GSN: variants seen among roughly 807,000 people sequenced by gnomAD.
The protein encoded by GSN is gelsolin.
In GSN, 56 loss-of-function variants were observed where a neutral mutation model predicts 85.7. The ratio of observed to expected loss-of-function variants is 0.65; its 90% CI spans 0.53 to 0.82. The LOEUF is 0.82. Among genes scored for constraint, GSN ranks in the 40% least tolerant of loss-of-function variants. The probability of loss-of-function intolerance (pLI) is 0.00; values close to 1 mark genes in which losing one functional copy is unlikely to be tolerated. For synonymous variants in GSN, 373 were observed against 399.1 expected (o/e 0.93, Z 0.78); for missense variants, 857 against 979.8 (o/e 0.87, Z 1.67).
chr9:121,250,300 G>A (rs146479522), intron 6 of GSN, among the ~76,000 whole-genome samples: 5,598 of 151,254 alleles, frequency 0.037, 296 homozygotes, highest in Admixed American at 0.14. Flanking sequence ...CGCCTCCTGG[G>A]TTCAAGTGAA....
At chr9:121,207,923 ATG>A (rs59140426) in intron 1 of GSN, 17,202 of 139,338 alleles carry the variant, frequency 0.12, 1,038 homozygotes, top group Non-Finnish European at 0.15. Flanking sequence ...TCTGGCTAAT[ATG>A]TGTGTGTGTG....
intron 1 of GSN, among the ~76,000 whole-genome samples, chr9:121,271,449 G>A (rs2055941202): frequency 6.6e-6 from 1 of 152,168 alleles, no homozygotes; most frequent in Non-Finnish European, 1.5e-5. Flanking sequence ...TTCCTCTGAG[G>A]TAGATACTAG....
intron 6 of GSN, among the ~76,000 whole-genome samples, chr9:121,259,547 A>G (rs2055036738): frequency 6.6e-6 from 1 of 152,170 alleles, no homozygotes; most frequent in Non-Finnish European, 1.5e-5. Context: ...ACAAAGCATG[A>G]CCTGACAGGA....
intron 7 of GSN, among the ~76,000 whole-genome samples, chr9:121,316,410 A>G (rs2061705102): frequency 6.6e-6 from 1 of 152,208 alleles, no homozygotes; most frequent in Non-Finnish European, 1.5e-5. Flanking sequence ...TCTAGGTTCC[A>G]ATCCAGGATA....
Position 121,318,474 on chromosome 9 carries a change from G to C in GSN, c.955G>C (p.Asp319His). The C allele has an allele frequency of 6.2e-7, 1 of 1,613,830 alleles. No individual in the cohort carries two copies. Among genetic ancestry groups the C allele is most frequent in the Non-Finnish European group, 8.5e-7 (1 of 1,179,694 alleles). Residue 319 changes from aspartate (D) to histidine (H), a missense_variant, in exon 9 of 18, where the codon GAC becomes CAC. Transcript: ENST00000432226. This position sits in a 1 kb window ranked among gnomAD's most constrained non-coding sequence, Gnocchi z 4.3. Reference protein sequence around the residue: ...KTASDFITKMDYPKQTQVSVL... With the variant: ...KTASDFITKMHYPKQTQVSVL... Reference sequence around the variant, plus strand: ...AGCCTCTGACTTCATCACCAAGATGGACTACCCCAAGCAGACTCAGGTGAG... The same window carrying C: ...AGCCTCTGACTTCATCACCAAGATGCACTACCCCAAGCAGACTCAGGTGAG...
intron 2 of GSN, among the ~76,000 whole-genome samples, chr9:121,292,920 A>G (rs970967217): frequency 6.6e-6 from 1 of 152,078 alleles, no homozygotes; most frequent in Admixed American, 6.5e-5. Context: ...GTCTCATTTA[A>G]TCGTCTCAAC....
At chr9:121,297,323 G>A (rs774537114) in intron 2 of GSN, among the ~76,000 whole-genome samples, 1 of 152,074 alleles carries the variant, frequency 6.6e-6, no homozygotes, top group Non-Finnish European at 1.5e-5. Context: ...CACACACTAA[G>A]TATACCTATA....
chr9:121,297,339 A>G (rs1417942578), intron 2 of GSN, among the ~76,000 whole-genome samples: 1 of 152,198 alleles, frequency 6.6e-6, no homozygotes, highest in Non-Finnish European at 1.5e-5. Context: ...CTATAGTTCT[A>G]TGAATTTTAG....
Position 121,213,385 on chromosome 9 carries a change from G to A in GSN, c.-528+2518G>A, listed in dbSNP as rs557175791. Among the ~76,000 whole-genome samples, 6 of 152,336 alleles carry A rather than the reference G, an allele frequency of 3.9e-5. No homozygotes were observed. In the South Asian group the frequency reaches 1.2e-3, roughly 32 times the overall value. On this transcript the variant is annotated intron_variant, in intron 4 of 24. Coordinates refer to the GSN transcript ENST00000373823. ...AATCCAGAGGAGCCGAATCAGGCGT[G>A]CTCCACCAGAGGGCGCAGCAGGCCC...
chr9:121,267,114 G>A (rs972062562), upstream of GSN, among the ~76,000 whole-genome samples: 4 of 152,202 alleles, frequency 2.6e-5, no homozygotes, highest in Non-Finnish European at 4.4e-5. Flanking sequence ...TCTGTCATGT[G>A]GTGCAGTCTC....
At chr9:121,286,594 G>T in intron 2 of GSN, 1 of 1,489,066 alleles carries the variant, frequency 6.7e-7, no homozygotes, top group East Asian at 2.5e-5. Flanking sequence ...CCTCCTTTGT[G>T]CTCCCAGGGC....
intron 6 of GSN, among the ~76,000 whole-genome samples, chr9:121,254,525 G>C (rs991599411): frequency 6.6e-6 from 1 of 152,174 alleles, no homozygotes; most frequent in South Asian, 2.1e-4. Context: ...TACCTAAAGA[G>C]GTCATACTTC....
chr9:121,243,953 A>T (rs969623041), intron 5 of GSN, among the ~76,000 whole-genome samples: 1 of 152,340 alleles, frequency 6.6e-6, no homozygotes, highest in South Asian at 2.1e-4. Flanking sequence ...CAAAATGTAG[A>T]CCAGTTTCAT....
At chr9:121,259,588 G>A (rs2055038109) in intron 6 of GSN, among the ~76,000 whole-genome samples, 1 of 152,194 alleles carries the variant, frequency 6.6e-6, no homozygotes, top group African/African-American at 2.4e-5. Flanking sequence ...TAGGGGCATG[G>A]GGTTCAGGTG....
In GSN at chr9:121,213,599, G is replaced by A. The variant is rs146442764; in HGVS notation, c.-528+2732G>A. On this transcript the variant is annotated intron_variant, in intron 4 of 24. Transcript: ENST00000373823. Reference sequence around the variant, plus strand: ...CTTGGATTAAAATCCTGACTCTGCCGTCAGCTGAGATCTTGGCAAATTAGC... The same window carrying A: ...CTTGGATTAAAATCCTGACTCTGCCATCAGCTGAGATCTTGGCAAATTAGC... Among the ~76,000 whole-genome samples the A allele has an allele frequency of 4.5e-4, 68 of 152,336 alleles. 1 individual carries two copies. The East Asian group carries it at 0.013, about 28-fold the overall frequency.
chr9:121,271,804 T>C (rs552349558), intron 1 of GSN, among the ~76,000 whole-genome samples: 35 of 152,310 alleles, frequency 2.3e-4, no homozygotes, highest in Middle Eastern at 3.4e-3. Flanking sequence ...CTCCCCTCCA[T>C]TTCAGGGAAT....
intron 1 of GSN, among the ~76,000 whole-genome samples, chr9:121,270,274 C>A (rs1473692386): frequency 6.6e-6 from 1 of 152,176 alleles, no homozygotes. Context: ...TGGACCTCAT[C>A]CTGAAGGCAA....
chr9:121,299,519 T>C lies in GSN; in HGVS notation c.-9-2444T>C, dbSNP rs983183684. 11 of 972,256 alleles carry C rather than the reference T, an allele frequency of 1.1e-5. No individual in the cohort carries two copies. The highest frequency in any genetic ancestry group is 1.2e-5 in the Non-Finnish European group (10 of 818,132). 60.2% of individuals were successfully genotyped at this position (972,256 alleles called of 1,614,324 possible). On this transcript the variant is annotated intron_variant, in intron 2 of 17. Transcript: ENST00000432226. This position sits in a 1 kb window ranked among gnomAD's most constrained non-coding sequence, Gnocchi z 4.2. ...GTTCATGTTATTTTTTTGCTGGAGG[T>C]GTTAGGTGCGGAGAGGCGAGGGGGC...
chr9:121,202,157 T>C, the GSN span, among the ~76,000 whole-genome samples: 1 of 152,208 alleles, frequency 6.6e-6, no homozygotes. Flanking sequence ...GCGTGGAACC[T>C]GGTGGGGTGC....
Sources: allele counts gnomAD v4.1 joint callset (sites outside exome capture counted in the v4.1 genomes callset), GRCh38; gene constraint gnomAD v4.1.1; non-coding constraint Gnocchi (gnomAD v3.1); transcripts MANE v1.5; gene names NCBI Gene and HGNC (gene_info 2026-07-23, HGNC 2026-07-21).